Variants in PLA2G6 observed in about 807,000 individuals in gnomAD.
The protein encoded by PLA2G6 is 85/88 kDa calcium-independent phospholipase A2.
In PLA2G6, 62 loss-of-function variants were observed where a neutral mutation model predicts 83.8. The observed-to-expected ratio is 0.74, with a 90% CI of 0.60 to 0.91. PLA2G6 has a LOEUF of 0.91. PLA2G6 is among the 40% of genes least tolerant of loss of function. The probability of loss-of-function intolerance (pLI) is 0.00; values close to 1 mark genes in which losing one functional copy is unlikely to be tolerated. For missense variants in PLA2G6, 944 were observed against 1,102.0 expected (o/e 0.86, Z 2.03); for synonymous variants, 417 against 449.8 (o/e 0.93, Z 0.92).
intron 2 of PLA2G6, among the ~76,000 whole-genome samples, chr22:38,166,242 C>A (rs2090209639): frequency 6.6e-6 from 1 of 152,112 alleles, no homozygotes; most frequent in Non-Finnish European, 1.5e-5. Context: ...GGGAGATTGA[C>A]CTTCTGCATC....
intron 14 of PLA2G6, chr22:38,113,917 A>C: frequency 8.7e-6 from 5 of 574,836 alleles, no homozygotes. Context: ...CAGCTGCAAG[A>C]AGGATCCCGC....
In PLA2G6 at chr22:38,112,559, G is replaced by T; in HGVS notation, c.2221C>A (p.Arg741=). The change falls in exon 16 of 17, where the codon CGG becomes AGG. Residue 741 remains arginine, a synonymous_variant. Coordinates refer to ENST00000332509, the MANE Select transcript of PLA2G6 (RefSeq NM_003560.4). ...CAGGCCCGTGCCCGGTCCACAGCCC[G>T]CCCGTCTGGATCCGTGCACTGGTGA... ...VVDCCTDPDG[R]AVDRARAWCE... is the part of the protein sequence containing the mutation. 1 of 1,552,890 alleles carries T rather than the reference G, an allele frequency of 6.4e-7. No individual in the cohort carries two copies. Among genetic ancestry groups the T allele is most frequent in the Non-Finnish European group, 8.7e-7 (1 of 1,149,338 alleles).
intron 4 of PLA2G6, chr22:38,142,809 G>GA: frequency 2.2e-6 from 1 of 445,674 alleles, no homozygotes; most frequent in South Asian, 2.1e-5. Flanking sequence ...TTGTGCTCAG[G>GA]AAAAGTGGAA....
intron 7 of PLA2G6, chr22:38,130,108 G>A (rs2088119324): frequency 4.4e-6 from 1 of 226,158 alleles, no homozygotes. Flanking sequence ...AGCATGGCAT[G>A]GTTTCAGAGG....
Position 38,112,101 on chromosome 22 carries a change from T to C in PLA2G6, c.*60A>G, listed in dbSNP as rs1270970635. On this transcript the variant is annotated 3_prime_UTR_variant, in exon 17 of 17. Transcript: ENST00000332509. ...CTGCCCGGGAGGGCAGTGGCTGGGC[T>C]TGGCCTGGCAGGGGCTGAATGGACG... 11 of 1,545,530 alleles carry C rather than the reference T, an allele frequency of 7.1e-6. No homozygotes were observed. The highest frequency in any genetic ancestry group is 9.6e-6 in the Non-Finnish European group (11 of 1,142,954).
Position 38,121,169 on chromosome 22 carries a change from G to A in PLA2G6, c.1592-260C>T, listed in dbSNP as rs543193227. ...GAGGCAGGTGGATCACTTGAGGTCA[G>A]GAGTTTGAGACCAGCCTGCCCAACA... On this transcript the variant is annotated intron_variant, in intron 11 of 16. Transcript: ENST00000332509. 54 of 424,812 alleles carry A rather than the reference G, an allele frequency of 1.3e-4. 1 individual carries two copies. Among genetic ancestry groups the A allele is most frequent in the South Asian group, 1.2e-3 (52 of 44,506 alleles). The allele number at this position is 424,812 out of a possible 1,614,324, so 26.3% of individuals were successfully genotyped here.
intron 5 of PLA2G6, chr22:38,138,999 A>G (rs891886253): frequency 6.6e-6 from 1 of 152,032 alleles, no homozygotes; most frequent in Non-Finnish European, 1.5e-5. Context: ...TGAGATATTC[A>G]TTTATCTTTT....
At chr22:38,124,362 G>A (rs2087708049) in intron 10 of PLA2G6, among the ~76,000 whole-genome samples, 1 of 152,124 alleles carries the variant, frequency 6.6e-6, no homozygotes, top group Admixed American at 6.5e-5. Flanking sequence ...CAAGTCATAT[G>A]GATGCGGACT....
Position 38,143,152 on chromosome 22 carries a change from T to G in PLA2G6, c.562A>C (p.Thr188Pro). 2 of 1,614,170 alleles carry G rather than the reference T, an allele frequency of 1.2e-6. No homozygotes were observed. Among genetic ancestry groups the G allele is most frequent in the Non-Finnish European group, 8.5e-7 (1 of 1,180,024 alleles). Residue 188 changes from threonine to proline, a missense_variant, in exon 4 of 17, where the codon ACC becomes CCC. Coordinates refer to ENST00000332509, the MANE Select transcript of PLA2G6 (RefSeq NM_003560.4). ...CCCTGGACAGCATAATGGAAGACGG[T>G]CTCTCCCTTGTAGTCGGTGACATCC... The part of the protein sequence containing the change: ...QMDVTDYKGE[T>P]VFHYAVQGDN...
chr22:38,149,362 G>C (rs2089445090), intron 2 of PLA2G6: 2 of 152,060 alleles, frequency 1.3e-5, no homozygotes, highest in Admixed American at 1.3e-4. Flanking sequence ...CATTCGAGAG[G>C]TTAAAAAAGG....
At chr22:38,148,338 C>T (rs995818526) in intron 2 of PLA2G6, 20 of 587,620 alleles carry the variant, frequency 3.4e-5, no homozygotes, top group Non-Finnish European at 4.5e-5. Context: ...CTGACGGGAA[C>T]GATGATTCTC....
At chr22:38,124,442 A>C (rs929883797) in intron 10 of PLA2G6, among the ~76,000 whole-genome samples, 1 of 151,840 alleles carries the variant, frequency 6.6e-6, no homozygotes, top group Non-Finnish European at 1.5e-5. Context: ...GTCTCCCCAC[A>C]TCCTGCCTGT....
intron 3 of PLA2G6, 129 bp from the exon 4 acceptor site, chr22:38,143,417 TTCC>T: frequency 1.3e-6 from 1 of 780,500 alleles, no homozygotes; most frequent in Non-Finnish European, 2.2e-6. Flanking sequence ...CTCAAGAGCA[TTCC>T]CGCCACTCAG....
chr22:38,151,165 C>T (rs5750549), intron 2 of PLA2G6, among the ~76,000 whole-genome samples: 58,264 of 151,900 alleles, frequency 0.38, 11,456 homozygotes, highest in South Asian at 0.48. Flanking sequence ...AAAATTAAAA[C>T]ATTTCTCTAG....
intron 2 of PLA2G6, among the ~76,000 whole-genome samples, chr22:38,155,736 C>T (rs542237088): frequency 1.8e-4 from 28 of 152,100 alleles, no homozygotes; most frequent in African/African-American, 6.5e-4. Flanking sequence ...AGAAAATCAC[C>T]TTCACTAAAA....
chr22:38,164,346 G>A (rs141832515), intron 2 of PLA2G6, among the ~76,000 whole-genome samples: 7 of 152,284 alleles, frequency 4.6e-5, no homozygotes, highest in African/African-American at 9.6e-5. Context: ...CTGAATAATC[G>A]CTACGCTGAC....
At chr22:38,154,888 C>A (rs1358551894) in intron 2 of PLA2G6, among the ~76,000 whole-genome samples, 5 of 152,194 alleles carry the variant, frequency 3.3e-5, no homozygotes, top group Admixed American at 3.3e-4. Context: ...AGAAGGAATT[C>A]AGAATCCTAA....
At chr22:38,119,412 C>A (rs886622954) in intron 12 of PLA2G6, among the ~76,000 whole-genome samples, 10 of 152,182 alleles carry the variant, frequency 6.6e-5, no homozygotes, top group African/African-American at 2.2e-4. Flanking sequence ...ATTTCACCCT[C>A]ATACAAAAAT....
chr22:38,169,447 A>G lies in PLA2G6; in HGVS notation c.-21T>C. Reference sequence around the variant, plus strand: ...TGCATCTTCTGCGGGGCAGGTGGGGAGGCCCCACCGTCTTCCCCCTCTGTC... The same window carrying G: ...TGCATCTTCTGCGGGGCAGGTGGGGGGGCCCCACCGTCTTCCCCCTCTGTC... On this transcript the variant is annotated 5_prime_UTR_variant, in exon 2 of 17. Transcript: ENST00000332509. 1 of 1,601,992 alleles carries G rather than the reference A, an allele frequency of 6.2e-7. No individual in the cohort carries two copies. The highest frequency in any genetic ancestry group is 8.5e-7 in the Non-Finnish European group (1 of 1,169,688).
Sources: allele counts gnomAD v4.1 joint callset (sites outside exome capture counted in the v4.1 genomes callset), GRCh38; gene constraint gnomAD v4.1.1; transcripts MANE v1.5; gene names NCBI Gene and HGNC (gene_info 2026-07-23, HGNC 2026-07-21).